Variants in WDPCP observed in about 807,000 individuals in gnomAD.
WDPCP encodes WD repeat containing planar cell polarity effector.
A neutral mutation model predicts 93.1 loss-of-function variants in WDPCP; 71 were observed. The observed-to-expected ratio is 0.76, with a 90% CI of 0.63 to 0.93. The LOEUF is 0.93. Ranked by LOEUF, WDPCP falls within the 40% of genes least tolerant of loss-of-function variation. The probability of loss-of-function intolerance (pLI) is 0.00; values close to 1 mark genes in which losing one functional copy is unlikely to be tolerated. For missense variants in WDPCP, 844 were observed against 887.4 expected (o/e 0.95, Z 0.62); for synonymous variants, 315 against 315.0 (o/e 1.00, Z 0.00).
intron 2 of WDPCP, among the ~76,000 whole-genome samples, chr2:63,719,450 G>A (rs1443942498): frequency 6.6e-6 from 1 of 152,166 alleles, no homozygotes; most frequent in Non-Finnish European, 1.5e-5. Context: ...AAAGAGGCTG[G>A]TAGAGAAAGG....
chr2:63,339,262 C>T (rs1688669359), intron 12 of WDPCP, among the ~76,000 whole-genome samples: 1 of 152,114 alleles, frequency 6.6e-6, no homozygotes, highest in African/African-American at 2.4e-5. Context: ...CAACCTCTGC[C>T]TCCCGGGTTC....
intron 14 of WDPCP, among the ~76,000 whole-genome samples, chr2:63,199,523 T>C (rs1056188642): frequency 1.3e-5 from 2 of 152,228 alleles, no homozygotes; most frequent in African/African-American, 4.8e-5. Context: ...GCTTGGGCCA[T>C]TGCTTCAGAA....
intron 6 of WDPCP, among the ~76,000 whole-genome samples, chr2:63,444,093 A>G (rs2105562768): frequency 6.6e-6 from 1 of 152,272 alleles, no homozygotes; most frequent in East Asian, 1.9e-4. Flanking sequence ...ATGGTACTGG[A>G]CATGCTCTCC....
intron 9 of WDPCP, 25 bp from the exon 10 acceptor site, chr2:63,404,682 T>C: frequency 6.2e-7 from 1 of 1,613,310 alleles, no homozygotes. Flanking sequence ...ATCAAGTACA[T>C]TCAGATAAAC....
chr2:63,250,264 T>C (rs1174330330), intron 14 of WDPCP, among the ~76,000 whole-genome samples: 1 of 152,164 alleles, frequency 6.6e-6, no homozygotes. Flanking sequence ...ACAGTGTGGG[T>C]ACACTGGACA....
intron 3 of WDPCP, among the ~76,000 whole-genome samples, chr2:63,636,325 C>A (rs182699000): frequency 1.4e-4 from 22 of 152,290 alleles, no homozygotes; most frequent in Non-Finnish European, 1.2e-4. Context: ...ATTTTATCAT[C>A]ATTTTTCATA....
At chr2:63,605,171 A>G (rs1709502710) in intron 3 of WDPCP, 1 of 726,722 alleles carries the variant, frequency 1.4e-6, no homozygotes. Context: ...TTGGAGGGGA[A>G]ACATTAAGCT....
intron 2 of WDPCP, among the ~76,000 whole-genome samples, chr2:63,782,555 T>C (rs1022226791): frequency 1.3e-5 from 2 of 152,036 alleles, no homozygotes; most frequent in Admixed American, 6.6e-5. Context: ...AAGCAGCATA[T>C]GAAAAAATGC....
chr2:63,589,249 C>T (rs1709096414), upstream of WDPCP: 1 of 1,553,204 alleles, frequency 6.4e-7, no homozygotes, highest in Non-Finnish European at 8.7e-7. Context: ...GGGTATGGGG[C>T]GCTCTTAGGA....
rs70965117 is a variant in WDPCP at position 63,296,210 on chromosome 2, C to CAA, written c.1812+17036_1812+17037dup. ...AACCATATGATCATCTCAGTAGATGCAAAAAAAAAAAAAGCATTTGATAAA... is the reference window on the plus strand; with the variant it reads ...AACCATATGATCATCTCAGTAGATGCAAAAAAAAAAAAAAAGCATTTGATAAA... On this transcript the variant is annotated intron_variant, in intron 13 of 17. Coordinates refer to ENST00000272321, the MANE Select transcript of WDPCP (RefSeq NM_015910.7). Among the ~76,000 whole-genome samples the CAA allele has an allele frequency of 6.4e-3, 908 of 141,338 alleles. 9 individuals carry two copies. The highest frequency in any genetic ancestry group is 0.019 in the East Asian group (91 of 4,900). 92.7% of individuals were successfully genotyped at this position (141,338 alleles called of 152,430 possible).
intron 3 of WDPCP, among the ~76,000 whole-genome samples, chr2:63,639,540 C>G (rs980444317): frequency 2.0e-5 from 3 of 152,130 alleles, no homozygotes; most frequent in Non-Finnish European, 2.9e-5. Context: ...ATAACAGACC[C>G]ATTCTTATGT....
At chr2:63,225,135 G>A (rs1229057526) in intron 14 of WDPCP, among the ~76,000 whole-genome samples, 3 of 151,674 alleles carry the variant, frequency 2.0e-5, no homozygotes, top group Non-Finnish European at 4.4e-5. Context: ...AGACTTTGGG[G>A]TTGTTCTGCA....
chr2:63,808,703 T>C (rs979459429), intron 2 of WDPCP, among the ~76,000 whole-genome samples: 2 of 152,064 alleles, frequency 1.3e-5, no homozygotes, highest in African/African-American at 4.8e-5. Context: ...AACCTCCACC[T>C]CCCAGCCGCC....
intron 9 of WDPCP, among the ~76,000 whole-genome samples, chr2:63,412,320 A>T (rs912308190): frequency 6.6e-6 from 1 of 152,204 alleles, no homozygotes; most frequent in African/African-American, 2.4e-5. Context: ...CATTTGACAA[A>T]ATCCAGCACC....
chr2:63,187,846 C>T (rs1674752888), intron 14 of WDPCP, among the ~76,000 whole-genome samples: 1 of 152,100 alleles, frequency 6.6e-6, no homozygotes, highest in Admixed American at 6.5e-5. Context: ...GCCTACCATC[C>T]TTTGTTTAAT....
chr2:63,796,086 A>G (rs1479812280), intron 2 of WDPCP, among the ~76,000 whole-genome samples: 3 of 152,208 alleles, frequency 2.0e-5, no homozygotes, highest in African/African-American at 7.2e-5. Flanking sequence ...AGGTTTCTCT[A>G]CTTTTTAAAA....
At chr2:63,127,416 C>A (rs1574666740) in intron 17 of WDPCP, among the ~76,000 whole-genome samples, 1 of 151,766 alleles carries the variant, frequency 6.6e-6, no homozygotes, top group African/African-American at 2.4e-5. Context: ...AGCCACCGCA[C>A]CCGGCCTGAA....
intron 8 of WDPCP, among the ~76,000 whole-genome samples, chr2:63,436,166 CAG>C (rs1491290308): frequency 6.6e-6 from 1 of 152,040 alleles, no homozygotes; most frequent in East Asian, 1.9e-4. Flanking sequence ...AGTAAATAAA[CAG>C]TATTTCAAGT....
intron 1 of WDPCP, chr2:63,518,780 G>C (rs1240822265): frequency 6.6e-6 from 1 of 152,396 alleles, no homozygotes; most frequent in African/African-American, 2.4e-5. Context: ...TGCAGCCTTG[G>C]ATACCCCACT....
Sources: gnomAD v4.1 joint callset for allele counts (sites outside exome capture counted in the v4.1 genomes callset) on GRCh38, gnomAD v4.1.1 for gene constraint, MANE v1.5 for transcripts, NCBI Gene and HGNC (gene_info 2026-07-23, HGNC 2026-07-21) for gene names.